The following COLEC12 variants were observed in gnomAD, a reference collection of about 807,000 sequenced individuals.
COLEC12 encodes collectin-12.
In COLEC12, 33 loss-of-function variants were observed where a neutral mutation model predicts 71.1. The observed-to-expected ratio is 0.46, with a 90% CI of 0.35 to 0.62. The LOEUF (loss-of-function observed/expected upper bound fraction) is 0.62. Ranked by LOEUF, COLEC12 falls within the 20% of genes least tolerant of loss-of-function variation. The pLI, the probability that COLEC12 is intolerant of heterozygous loss-of-function variation, is 0.00. For synonymous variants in COLEC12, 350 were observed against 353.0 expected, an observed-to-expected ratio of 0.99 and a Z score of 0.10; for missense variants, 765 against 916.1, an observed-to-expected ratio of 0.84 and a Z score of 2.13.
At position 316,839 on chromosome 18, in the gene COLEC12, T is replaced by C. The variant is rs1202404977; in HGVS notation, c.*3206A>G. ...AACATTTTCTATCTTCTCATAGTAG[T>C]AAGTAGCAACTCAGGTGCCTGAAGA... is the stretch of plus-strand genomic sequence containing the variant. On this transcript the variant is annotated 3_prime_UTR_variant, in exon 10 of 10. Coordinates refer to ENST00000400256, the MANE Select transcript of COLEC12 (RefSeq NM_130386.3). 1 of 152,204 alleles carries C rather than the reference T, an allele frequency of 6.6e-6. No individual in the cohort carries two copies. Among genetic ancestry groups the C allele is most frequent in the Admixed American group, 6.5e-5 (1 of 15,276 alleles). 9.4% of individuals were successfully genotyped at this position (152,204 alleles called of 1,614,324 possible).
chr18:321,830 A>G, intron 8 of COLEC12, 23 bp from the exon 9 acceptor site: 2 of 1,611,978 alleles, frequency 1.2e-6, no homozygotes, highest in Non-Finnish European at 1.7e-6. Flanking sequence ...CAGAAATTGA[A>G]TGTTATTTGC....
At chr18:389,423 C>T (rs1224231120) in intron 2 of COLEC12, among the ~76,000 whole-genome samples, 3 of 151,800 alleles carry the variant, frequency 2.0e-5, no homozygotes, top group Admixed American at 6.6e-5. Flanking sequence ...GGACTACAGG[C>T]GCCCGCCACC....
intron 2 of COLEC12, among the ~76,000 whole-genome samples, chr18:411,746 A>G (rs1007856997): frequency 8.5e-5 from 13 of 152,218 alleles, no homozygotes; most frequent in Non-Finnish European, 1.9e-4. Context: ...CTCTACAAAA[A>G]AATACAAAGA....
At chr18:324,159 T>C (rs1913780581) in intron 8 of COLEC12, among the ~76,000 whole-genome samples, 1 of 152,168 alleles carries the variant, frequency 6.6e-6, no homozygotes, top group African/African-American at 2.4e-5. Context: ...AAGCATCTCT[T>C]TGGCAAAGCT....
At chr18:455,764 TG>T (rs1262634196) in intron 2 of COLEC12, among the ~76,000 whole-genome samples, 1 of 152,142 alleles carries the variant, frequency 6.6e-6, no homozygotes, top group Non-Finnish European at 1.5e-5. Context: ...TTTCTGTTCC[TG>T]TGTTAGTTTG....
intron 8 of COLEC12, among the ~76,000 whole-genome samples, chr18:330,805 T>C (rs754098737): frequency 6.6e-6 from 1 of 151,810 alleles, no homozygotes; most frequent in Non-Finnish European, 1.5e-5. Flanking sequence ...GGGATGGTTA[T>C]CCCGCAAATG....
chr18:342,353 C>G (rs1257087662), intron 5 of COLEC12, among the ~76,000 whole-genome samples: 1 of 152,280 alleles, frequency 6.6e-6, no homozygotes, highest in Admixed American at 6.5e-5. Context: ...ACATCTATCT[C>G]TACACTATCA....
chr18:343,369 C>T (rs1425774782), intron 5 of COLEC12, among the ~76,000 whole-genome samples: 1 of 152,026 alleles, frequency 6.6e-6, no homozygotes, highest in Non-Finnish European at 1.5e-5. Context: ...GTTGTCAGGG[C>T]AAGGAAAGGG....
At chr18:369,449 G>GTTT (rs56254829) in intron 2 of COLEC12, among the ~76,000 whole-genome samples, 25 of 131,802 alleles carry the variant, frequency 1.9e-4, no homozygotes, top group South Asian at 7.1e-4. Flanking sequence ...TTGGAATAAT[G>GTTT]TTTTTTTTTT....
chr18:458,423 T>A (rs1279822932), intron 2 of COLEC12, among the ~76,000 whole-genome samples: 1 of 152,204 alleles, frequency 6.6e-6, no homozygotes, highest in East Asian at 1.9e-4. Flanking sequence ...CCCAGACAAC[T>A]GAGAACACAC....
At chr18:325,150 GCC>G (rs1913806211) in intron 8 of COLEC12, among the ~76,000 whole-genome samples, 1 of 152,152 alleles carries the variant, frequency 6.6e-6, no homozygotes, top group African/African-American at 2.4e-5. Context: ...CTGTGATTGT[GCC>G]ACTGCACTCC....
chr18:371,780 G>C (rs1915005172), intron 2 of COLEC12, among the ~76,000 whole-genome samples: 1 of 152,146 alleles, frequency 6.6e-6, no homozygotes. Context: ...CAAAGGATCT[G>C]TGCTTTGCTC....
chr18:439,730 C>T (rs947134809), intron 2 of COLEC12, among the ~76,000 whole-genome samples: 15 of 152,088 alleles, frequency 9.9e-5, no homozygotes, highest in Admixed American at 9.2e-4. Flanking sequence ...AAACCTTACA[C>T]ATTGTTGGAG....
At chr18:499,093 T>C (rs1179777689) in intron 1 of COLEC12, among the ~76,000 whole-genome samples, 1 of 152,210 alleles carries the variant, frequency 6.6e-6, no homozygotes, top group Non-Finnish European at 1.5e-5. Context: ...CTTTTAGCCA[T>C]GTGAAATTCT....
Position 500,523 on chromosome 18 carries a change from T to A in COLEC12, c.-9A>T. ...GCCGCCCTACCTTTCATGGTGACCG[T>A]GGGGACGCACCGCCGGCCGGGGAGC... On this transcript the variant is annotated 5_prime_UTR_variant, in exon 1 of 10. Transcript: ENST00000400256. The surrounding 1 kb of genome is among the most constrained non-coding windows in gnomAD (Gnocchi z 5.3). 1 of 1,226,252 alleles carries A rather than the reference T, an allele frequency of 8.2e-7. No homozygotes were observed. The highest frequency in any genetic ancestry group is 1.0e-6 in the Non-Finnish European group (1 of 984,688). The allele number at this position is 1,226,252 out of a possible 1,614,324, so 76.0% of individuals were successfully genotyped here.
Position 335,562 on chromosome 18 carries a change from G to C in COLEC12, c.1328-332C>G, listed in dbSNP as rs1207910955. 3.9e-5 allele frequency among the ~76,000 whole-genome samples: 6 copies of C among 152,264 alleles called. No homozygotes were observed. The South Asian group carries it at 1.2e-3, about 32-fold the overall frequency. On this transcript the variant is annotated intron_variant, in intron 5 of 9. Coordinates refer to ENST00000400256, the MANE Select transcript of COLEC12 (RefSeq NM_130386.3). ...GGTGTACTTAAAGAAGAGGGGATTA[G>C]GTCACAGACACATAGAGGAAAGATC...
chr18:341,943 A>T (rs912910958), intron 5 of COLEC12, among the ~76,000 whole-genome samples: 15 of 152,262 alleles, frequency 9.9e-5, no homozygotes, highest in Non-Finnish European at 1.5e-4. Flanking sequence ...CTTGCAGAGG[A>T]ACAGCCCAGG....
intron 2 of COLEC12, among the ~76,000 whole-genome samples, chr18:401,561 T>G (rs1300228182): frequency 6.6e-6 from 1 of 152,224 alleles, no homozygotes; most frequent in Non-Finnish European, 1.5e-5. Flanking sequence ...GGACTTGTCC[T>G]TAGTGCTCAG....
At chr18:374,824 C>G (rs1915078673) in intron 2 of COLEC12, among the ~76,000 whole-genome samples, 1 of 152,194 alleles carries the variant, frequency 6.6e-6, no homozygotes. Flanking sequence ...ATGGTGAGTT[C>G]AGACCGCAGC....
Sources: gnomAD v4.1 joint callset for allele counts (sites outside exome capture counted in the v4.1 genomes callset) on GRCh38, gnomAD v4.1.1 for gene constraint, Gnocchi (gnomAD v3.1) non-coding constraint, MANE v1.5 for transcripts, NCBI Gene and HGNC (gene_info 2026-07-23, HGNC 2026-07-21) for gene names.